FRAS1: variants seen among roughly 807,000 people sequenced by gnomAD.
FRAS1 encodes the protein extracellular matrix organizing protein FRAS1.
A neutral mutation model predicts 435.2 loss-of-function variants in FRAS1; 290 were observed. The observed-to-expected ratio is 0.67, with a 90% CI of 0.61 to 0.73. The LOEUF is 0.73. FRAS1 is among the 30% of genes least tolerant of loss of function. The pLI is 0.00. For missense variants in FRAS1, 4,860 were observed against 5,001.5 expected (o/e 0.97, Z 0.85); for synonymous variants, 1,800 against 1,851.0 (o/e 0.97, Z 0.71).
intron 22 of FRAS1, among the ~76,000 whole-genome samples, chr4:78,366,502 A>G (rs1446147244): frequency 2.6e-5 from 4 of 152,230 alleles, no homozygotes; most frequent in Admixed American, 6.5e-5. Context: ...CCACCTTGAC[A>G]TCTCTGTGCC....
intron 47 of FRAS1, 49 bp from the exon 48 acceptor site, chr4:78,463,972 G>A (rs1311368563): frequency 3.1e-6 from 5 of 1,605,468 alleles, no homozygotes; most frequent in Non-Finnish European, 4.3e-6. Flanking sequence ...TAGATATATG[G>A]CTAGCATTTT....
chr4:78,521,279 T>C (rs1295975674), intron 67 of FRAS1, among the ~76,000 whole-genome samples: 1 of 151,868 alleles, frequency 6.6e-6, no homozygotes, highest in Admixed American at 6.6e-5. Flanking sequence ...AAGTGGAACT[T>C]ACAGGTTTGA....
At chr4:78,087,798 A>C (rs1036594998) in intron 2 of FRAS1, among the ~76,000 whole-genome samples, 18 of 152,350 alleles carry the variant, frequency 1.2e-4, no homozygotes, top group African/African-American at 3.8e-4. Context: ...ATGGAAGAAC[A>C]TTCCATGCTC....
At chr4:78,294,690 C>T (rs73827950) in intron 14 of FRAS1, among the ~76,000 whole-genome samples, 2,082 of 152,208 alleles carry the variant, frequency 0.014, 52 homozygotes, top group African/African-American at 0.047. Context: ...ATATATTACT[C>T]AAGACGGGTA....
chr4:78,247,322 C>T (rs567962035), intron 4 of FRAS1, among the ~76,000 whole-genome samples: 1 of 152,176 alleles, frequency 6.6e-6, no homozygotes, highest in South Asian at 2.1e-4. Flanking sequence ...AATTTACTCC[C>T]TCTGAAAATG....
chr4:78,076,928 A>C (rs1740665392), intron 2 of FRAS1, among the ~76,000 whole-genome samples: 1 of 152,232 alleles, frequency 6.6e-6, no homozygotes, highest in Non-Finnish European at 1.5e-5. Flanking sequence ...AACACCAGTC[A>C]GGAGATTAAT....
intron 2 of FRAS1, among the ~76,000 whole-genome samples, chr4:78,112,290 T>C (rs1255836438): frequency 6.6e-6 from 1 of 152,124 alleles, no homozygotes; most frequent in Non-Finnish European, 1.5e-5. Context: ...AACAAATACA[T>C]ATTGGGAACC....
chr4:78,445,943 G>T, intron 42 of FRAS1: 1 of 1,304,086 alleles, frequency 7.7e-7, no homozygotes. Context: ...TTATTTGTTC[G>T]GTGTGAAAAA....
intron 2 of FRAS1, among the ~76,000 whole-genome samples, chr4:78,162,270 G>A (rs1311082775): frequency 6.6e-6 from 1 of 152,108 alleles, no homozygotes; most frequent in Non-Finnish European, 1.5e-5. Context: ...ACCAGTATAC[G>A]TGGGATATAG....
intron 37 of FRAS1, among the ~76,000 whole-genome samples, chr4:78,430,901 G>A (rs1195840308): frequency 1.3e-5 from 2 of 152,112 alleles, no homozygotes; most frequent in African/African-American, 4.8e-5. Context: ...GTGTGGTAAT[G>A]TGATCGGCTT....
At chr4:78,269,531 G>T (rs1726548214) in intron 9 of FRAS1, among the ~76,000 whole-genome samples, 1 of 152,176 alleles carries the variant, frequency 6.6e-6, no homozygotes. Context: ...AGAGGCAAAG[G>T]TGTGCAGCTT....
At chr4:78,177,467 T>C (rs1721824071) in intron 2 of FRAS1, among the ~76,000 whole-genome samples, 1 of 152,080 alleles carries the variant, frequency 6.6e-6, no homozygotes. Context: ...AGACAAGTGG[T>C]TGGGGACATT....
intron 14 of FRAS1, among the ~76,000 whole-genome samples, chr4:78,290,829 G>A (rs1379354108): frequency 7.1e-6 from 1 of 140,614 alleles, no homozygotes; most frequent in East Asian, 2.1e-4. Flanking sequence ...TTTTAAGACA[G>A]AGTTTTGCTC....
At chr4:78,246,704 G>C (rs568023657) in intron 4 of FRAS1, among the ~76,000 whole-genome samples, 1 of 152,032 alleles carries the variant, frequency 6.6e-6, no homozygotes, top group African/African-American at 2.4e-5. Flanking sequence ...AATCTTTCAA[G>C]TGAAGGAGTT....
rs144398036 is a variant in FRAS1 at position 78,224,323 on chromosome 4, G to A, written c.109-13187G>A. Among the ~76,000 whole-genome samples the A allele has an allele frequency of 3.4e-3, 524 of 152,204 alleles. 3 individuals are homozygous for A. The highest frequency in any genetic ancestry group is 0.012 in the African/African-American group (498 of 41,530). On this transcript the variant is annotated intron_variant, in intron 2 of 73. Transcript: ENST00000512123. ...CCAGTTGTGTGATAACTGACCAGACGTTCTTTATGTTCTTGTTTTATAAAA... is the reference window on the plus strand; with the variant it reads ...CCAGTTGTGTGATAACTGACCAGACATTCTTTATGTTCTTGTTTTATAAAA...
intron 58 of FRAS1, among the ~76,000 whole-genome samples, chr4:78,483,698 A>C (rs1720079864): frequency 6.7e-6 from 1 of 149,768 alleles, no homozygotes; most frequent in South Asian, 2.1e-4. Context: ...CCAGTCTCCC[A>C]GTTCTCCTCA....
At chr4:78,193,150 A>G (rs1220633464) in intron 2 of FRAS1, among the ~76,000 whole-genome samples, 1 of 152,168 alleles carries the variant, frequency 6.6e-6, no homozygotes, top group African/African-American at 2.4e-5. Context: ...GTTTGTTATC[A>G]TTTCTGTTCT....
rs558092560 is a variant in FRAS1 at position 78,263,585 on chromosome 4, T to C, written c.604-1440T>C. On this transcript the variant is annotated intron_variant, in intron 6 of 73. Transcript: ENST00000512123. Reference sequence around the variant, plus strand: ...TTGTGTAAGGCTTAGTTCATTTGTTTATTATAATAAAGTTGCTGAATAGTG... The same window carrying C: ...TTGTGTAAGGCTTAGTTCATTTGTTCATTATAATAAAGTTGCTGAATAGTG... Among the ~76,000 whole-genome samples, 363 of 152,342 alleles carry C rather than the reference T, an allele frequency of 2.4e-3. 2 individuals are homozygous for C. The highest frequency in any genetic ancestry group is 8.4e-3 in the African/African-American group (351 of 41,576).
At chr4:78,139,178 T>C (rs1020148723) in intron 2 of FRAS1, among the ~76,000 whole-genome samples, 7 of 152,196 alleles carry the variant, frequency 4.6e-5, no homozygotes, top group Non-Finnish European at 8.8e-5. Context: ...GGTGGGGTAG[T>C]ACAGCGCCAG....
Sources: allele counts gnomAD v4.1 joint callset (sites outside exome capture counted in the v4.1 genomes callset), GRCh38; gene constraint gnomAD v4.1.1; transcripts MANE v1.5; gene names NCBI Gene and HGNC (gene_info 2026-07-23, HGNC 2026-07-21).